Variants in ZSWIM5 observed in about 807,000 individuals in gnomAD.
ZSWIM5 encodes the protein zinc finger SWIM domain-containing protein 5.
A neutral mutation model predicts 119.6 loss-of-function variants in ZSWIM5; 55 were observed. That is an observed-to-expected ratio of 0.46 (90% CI 0.37 to 0.58). The LOEUF (loss-of-function observed/expected upper bound fraction) is 0.58, where lower values mean the gene tolerates loss of function less well. Ranked by LOEUF, ZSWIM5 falls within the 20% of genes least tolerant of loss-of-function variation. The pLI is 0.00. For synonymous variants in ZSWIM5, 537 were observed against 606.9 expected, an observed-to-expected ratio of 0.88 and a Z score of 1.69; for missense variants, 1,193 against 1,512.8, an observed-to-expected ratio of 0.79 and a Z score of 3.51.
At chr1:45,112,281 CA>C (rs1377064394) in intron 1 of ZSWIM5, among the ~76,000 whole-genome samples, 1 of 152,166 alleles carries the variant, frequency 6.6e-6, no homozygotes, top group Non-Finnish European at 1.5e-5. Flanking sequence ...TTTTACCCAG[CA>C]TAGTTATTTT....
chr1:45,057,322 C>T lies in ZSWIM5; in HGVS notation c.1252+1287G>A. Among the ~76,000 whole-genome samples the T allele has an allele frequency of 6.6e-6, 1 of 152,304 alleles. No individual in the cohort carries two copies. The highest frequency in any genetic ancestry group is 1.9e-4 in the East Asian group (1 of 5,180). ...CTGAGGGTTTCTTGGATGGTAGGTA[C>T]AGTAATTTGTTAGATATGAAAATGC... is the stretch of plus-strand genomic sequence containing the variant. On this transcript the variant is annotated intron_variant, in intron 4 of 13. Transcript: ENST00000359600. The surrounding 1 kb of genome is among the most constrained non-coding windows in gnomAD (Gnocchi z 4.7).
At position 45,206,419 on chromosome 1, in the gene ZSWIM5, G is replaced by A. The variant is rs1317436460; in HGVS notation, c.-69C>T. The A allele has an allele frequency of 3.1e-6, 4 of 1,273,210 alleles. No homozygotes were observed. The highest frequency in any genetic ancestry group is 4.0e-6 in the Non-Finnish European group (4 of 1,011,132). 78.9% of individuals were successfully genotyped at this position (1,273,210 alleles called of 1,614,324 possible). On this transcript the variant is annotated 5_prime_UTR_variant, in exon 1 of 14. Coordinates refer to ENST00000359600, the MANE Select transcript of ZSWIM5 (RefSeq NM_020883.2). ...GGCTGCGGCGGAGACCCTGGCCACG[G>A]CCACGCGCCCCGCGCAAGCGCCCAG... is the stretch of plus-strand genomic sequence containing the variant.
chr1:45,103,694 T>C (rs907495248), intron 1 of ZSWIM5, among the ~76,000 whole-genome samples: 1 of 152,214 alleles, frequency 6.6e-6, no homozygotes, highest in Non-Finnish European at 1.5e-5. Context: ...TGTGATGCTC[T>C]CATAGTTGGA....
chr1:45,102,399 G>C (rs559531871), intron 1 of ZSWIM5, among the ~76,000 whole-genome samples: 1 of 152,080 alleles, frequency 6.6e-6, no homozygotes, highest in Non-Finnish European at 1.5e-5. Context: ...CCCCTACTCT[G>C]GGAAGTCTTC....
chr1:45,086,762 C>T (rs1426717671), intron 2 of ZSWIM5, among the ~76,000 whole-genome samples: 1 of 151,824 alleles, frequency 6.6e-6, no homozygotes, highest in South Asian at 2.1e-4. Context: ...GCACATGTAC[C>T]CCAGAACTTA....
intron 1 of ZSWIM5, among the ~76,000 whole-genome samples, chr1:45,141,376 C>A (rs1052400106): frequency 6.6e-6 from 1 of 152,130 alleles, no homozygotes; most frequent in Non-Finnish European, 1.5e-5. Context: ...CCAGAAAGTA[C>A]TAGGGAGATC....
intron 6 of ZSWIM5, among the ~76,000 whole-genome samples, chr1:45,040,825 T>C (rs1423245319): frequency 1.3e-5 from 2 of 152,174 alleles, no homozygotes; most frequent in East Asian, 1.9e-4. Context: ...TATTATACTA[T>C]GGGAAACCAA....
intron 1 of ZSWIM5, among the ~76,000 whole-genome samples, chr1:45,183,237 A>G (rs374938122): frequency 3.3e-5 from 5 of 150,520 alleles, no homozygotes; most frequent in South Asian, 2.1e-4. Context: ...TCTCTGGGAC[A>G]CATTCAAAGC....
chr1:45,114,966 G>C (rs1645541756), intron 1 of ZSWIM5, among the ~76,000 whole-genome samples: 1 of 152,208 alleles, frequency 6.6e-6, no homozygotes, highest in Admixed American at 6.5e-5. Flanking sequence ...TTGGGGGTAA[G>C]GTCATAGATC....
intron 1 of ZSWIM5, among the ~76,000 whole-genome samples, chr1:45,100,342 G>A (rs1570097315): frequency 1.3e-5 from 2 of 152,206 alleles, no homozygotes; most frequent in South Asian, 4.1e-4. Context: ...AACTTACAAG[G>A]GATGTGAAGG....
intron 1 of ZSWIM5, among the ~76,000 whole-genome samples, chr1:45,201,298 T>C (rs1317281436): frequency 2.6e-5 from 4 of 152,172 alleles, no homozygotes; most frequent in African/African-American, 9.7e-5. Context: ...TTTAAGCCAA[T>C]CCAGTTTGTG....
chr1:45,146,534 G>T (rs11585629), intron 1 of ZSWIM5, among the ~76,000 whole-genome samples: 1 of 137,900 alleles, frequency 7.3e-6, no homozygotes, highest in African/African-American at 2.7e-5. Context: ...CCGCTTCCCC[G>T]GTTCAAGCAA....
At chr1:45,181,218 C>T (rs1646016637) in intron 1 of ZSWIM5, among the ~76,000 whole-genome samples, 1 of 151,958 alleles carries the variant, frequency 6.6e-6, no homozygotes, top group South Asian at 2.1e-4. Context: ...ACTAGAATAA[C>T]CAATACAGAG....
In ZSWIM5 at chr1:45,180,226, AC is replaced by A. The variant is rs753074226; in HGVS notation, c.595+25529del. Among the ~76,000 whole-genome samples the A allele has an allele frequency of 1.6e-3, 242 of 152,244 alleles. 5 individuals carry two copies. Among genetic ancestry groups the A allele is most frequent in the Non-Finnish European group, 1.8e-4 (12 of 67,994 alleles). ...GCACCTGGAAAATCGGGCCACTCCCACCCGAATACTGCGCTTTTCCGACGGG... is the reference window on the plus strand; with the variant it reads ...GCACCTGGAAAATCGGGCCACTCCCACCGAATACTGCGCTTTTCCGACGGG... On this transcript the variant is annotated intron_variant, in intron 1 of 13. Transcript: ENST00000359600.
rs76379307 is a variant in ZSWIM5, at chr1:45,059,909, T to C, written c.1101+190A>G. Among the ~76,000 whole-genome samples, 1,207 of 152,192 alleles carry C rather than the reference T, an allele frequency of 7.9e-3. 29 individuals are homozygous for C. Among genetic ancestry groups the C allele is most frequent in the African/African-American group, 0.028 (1,170 of 41,518 alleles). On this transcript the variant is annotated intron_variant, in intron 3 of 13. Transcript: ENST00000359600. ...GAGCAGAAGGAACAGGACTACCAGG[T>C]TGAGGTGGGAGGCCTCCTTGGATGC... is the stretch of plus-strand genomic sequence containing the variant.
intron 1 of ZSWIM5, among the ~76,000 whole-genome samples, chr1:45,126,104 G>GA (rs951314326): frequency 8.8e-5 from 13 of 146,936 alleles, no homozygotes; most frequent in Non-Finnish European, 1.5e-4. Flanking sequence ...AATTTTAAAG[G>GA]AAAAAAAAAT....
At chr1:45,046,317 G>A (rs191041880) in intron 5 of ZSWIM5, among the ~76,000 whole-genome samples, 136 of 152,218 alleles carry the variant, frequency 8.9e-4, no homozygotes, top group African/African-American at 3.2e-3. Flanking sequence ...GAGAGATGAT[G>A]GTAGTTGGCA....
chr1:45,166,664 C>T (rs982421863), intron 1 of ZSWIM5, among the ~76,000 whole-genome samples: 9 of 151,950 alleles, frequency 5.9e-5, no homozygotes, highest in African/African-American at 2.2e-4. Flanking sequence ...ACAAGCATTC[C>T]TATACACCAA....
At chr1:45,180,229 C>T (rs1226733) in intron 1 of ZSWIM5, among the ~76,000 whole-genome samples, 21,519 of 152,118 alleles carry the variant, frequency 0.14, 1,641 homozygotes, top group Non-Finnish European at 0.15. Context: ...CACTCCCACC[C>T]GAATACTGCG....
Sources: allele counts gnomAD v4.1 joint callset (sites outside exome capture counted in the v4.1 genomes callset), GRCh38; gene constraint gnomAD v4.1.1; non-coding constraint Gnocchi (gnomAD v3.1); transcripts MANE v1.5; gene names NCBI Gene and HGNC (gene_info 2026-07-23, HGNC 2026-07-21).